The following MBP variants were observed in gnomAD, a reference collection of about 807,000 sequenced individuals.
MBP encodes the protein myelin basic protein, also known as Golli-MBP.
MBP carries 16 observed loss-of-function variants against 35.8 expected under a neutral mutation model. That is an observed-to-expected ratio of 0.45 (90% CI 0.30 to 0.68). The LOEUF is 0.68. Among genes scored for constraint, MBP ranks in the 30% least tolerant of loss-of-function variants. The pLI, the probability that MBP is intolerant of heterozygous loss-of-function variation, is 0.08. For missense variants in MBP, 380 were observed against 404.7 expected (o/e 0.94, Z 0.52); for synonymous variants, 143 against 159.6 (o/e 0.90, Z 0.78).
rs139814021 is a variant in MBP, at chr18:77,017,190, G to A, written c.218C>T (p.Pro73Leu). ...GTGGGCATCCTGCCAGGCATTCTTC[G>A]GGTCCGCTGTGCGCTTGGAGTCAGT... The part of the protein sequence containing the change: ...AVTDSKRTAD[P>L]KNAWQDAHPA... Residue 73 changes from proline (P) to leucine (L), a missense_variant, in exon 4 of 9, where the codon CCG becomes CTG. Physicochemically the swap from Pro to Leu is moderately conservative, Grantham distance 98. Coordinates refer to ENST00000355994, the MANE Select transcript of MBP (RefSeq NM_001025101.2). 179 of 1,538,434 alleles carry A rather than the reference G, an allele frequency of 1.2e-4. 1 individual carries two copies. In the African/African-American group the frequency reaches 2.2e-3, roughly 19 times the overall value.
chr18:77,028,426 A>G (rs1384001468), intron 3 of MBP, among the ~76,000 whole-genome samples: 12 of 97,758 alleles, frequency 1.2e-4, no homozygotes, highest in African/African-American at 2.5e-4. Context: ...CGATTTCTCA[A>G]TCTTTTCCCC....
chr18:77,133,319 TCTGGGAGCTGGGAG>T (rs751200850), upstream of MBP, among the ~76,000 whole-genome samples: 15 of 152,060 alleles, frequency 9.9e-5, no homozygotes, highest in Admixed American at 1.3e-4. Context: ...CAGGTGCTCC[TCTGGGAGCTGGGAG>T]CTGGGAGCTG....
intron 3 of MBP, among the ~76,000 whole-genome samples, chr18:77,057,849 C>A (rs538418394): frequency 1.9e-3 from 2 of 1,044 alleles, no homozygotes; most frequent in South Asian, 0.25. Context: ...TTTTTTGAGA[C>A]GGAGTCTCGC....
At chr18:77,120,879 T>C (rs1035119839) in intron 1 of MBP, among the ~76,000 whole-genome samples, 2 of 152,322 alleles carry the variant, frequency 1.3e-5, no homozygotes, top group East Asian at 1.9e-4. Flanking sequence ...ATCTACAAGA[T>C]TTAGGACCCC....
At chr18:77,066,950 T>C (rs1974224121) in intron 2 of MBP, among the ~76,000 whole-genome samples, 1 of 152,252 alleles carries the variant, frequency 6.6e-6, no homozygotes, top group African/African-American at 2.4e-5. Flanking sequence ...AATCTTCGGC[T>C]TCAGAGTTTC....
intron 1 of MBP, among the ~76,000 whole-genome samples, chr18:77,111,106 C>G (rs1287745792): frequency 2.0e-5 from 3 of 152,150 alleles, no homozygotes; most frequent in Non-Finnish European, 2.9e-5. Context: ...GTTCAGAAAG[C>G]CTGGCAATGT....
intron 2 of MBP, among the ~76,000 whole-genome samples, chr18:77,100,040 GT>G (rs1975936380): frequency 6.6e-6 from 1 of 152,022 alleles, no homozygotes; most frequent in African/African-American, 2.4e-5. Context: ...AGTAACACAT[GT>G]GATAAGCTTA....
intron 2 of MBP, among the ~76,000 whole-genome samples, chr18:77,080,800 C>T (rs967187617): frequency 6.6e-6 from 1 of 152,190 alleles, no homozygotes; most frequent in African/African-American, 2.4e-5. Context: ...TCTCCTGCCT[C>T]AGCCTCCCGA....
Position 76,979,816 on chromosome 18 carries a change from C to T in MBP, c.*611G>A, listed in dbSNP as rs1004815511. The stretch of plus-strand genomic sequence containing the variant: ...CCACGGCCTGGGGAGGTGGCCCCCT[C>T]TCTGTGCTGCCCCACGTTGGACTCT... On this transcript the variant is annotated 3_prime_UTR_variant, in exon 9 of 9. Transcript: ENST00000355994. 8 of 617,606 alleles carry T rather than the reference C, an allele frequency of 1.3e-5. No homozygotes were observed. Among genetic ancestry groups the T allele is most frequent in the Admixed American group, 2.7e-5 (1 of 37,450 alleles). The allele number at this position is 617,606 out of a possible 1,614,324, so 38.3% of individuals were successfully genotyped here.
intron 1 of MBP, among the ~76,000 whole-genome samples, chr18:77,121,360 C>T (rs1025712501): frequency 5.3e-5 from 8 of 151,966 alleles, no homozygotes; most frequent in East Asian, 1.9e-4. Context: ...TCCTATAGTA[C>T]GTGTTATTTT....
intron 1 of MBP, among the ~76,000 whole-genome samples, chr18:77,126,832 A>C (rs1977066478): frequency 6.6e-6 from 1 of 152,238 alleles, no homozygotes; most frequent in Non-Finnish European, 1.5e-5. Context: ...AAGAAATTTC[A>C]GATTCAGAAT....
intron 2 of MBP, among the ~76,000 whole-genome samples, chr18:77,078,988 T>A (rs1260657768): frequency 6.6e-6 from 1 of 152,176 alleles, no homozygotes; most frequent in African/African-American, 2.4e-5. Flanking sequence ...AGTCAGGCGC[T>A]CAGCCATCAC....
intron 7 of MBP, chr18:76,985,680 C>T: frequency 9.5e-7 from 1 of 1,052,726 alleles, no homozygotes. Flanking sequence ...CCCCACCTCC[C>T]AGTCCCCTAG....
At chr18:77,048,652 C>G (rs755602004) in intron 3 of MBP, among the ~76,000 whole-genome samples, 25 of 151,870 alleles carry the variant, frequency 1.6e-4, no homozygotes, top group Non-Finnish European at 3.1e-4. Context: ...TTAGTTGAGA[C>G]GGGGTTTCAC....
chr18:77,027,248 T>C (rs1292474623), intron 3 of MBP, among the ~76,000 whole-genome samples: 1 of 152,106 alleles, frequency 6.6e-6, no homozygotes, highest in African/African-American at 2.4e-5. Context: ...CAAAAGAATT[T>C]TGGAATCAGT....
intron 7 of MBP, chr18:76,987,678 A>G (rs993483038): frequency 1.0e-5 from 10 of 989,894 alleles, no homozygotes; most frequent in Non-Finnish European, 1.2e-5. Context: ...AGTTTCGGAG[A>G]CAGACACAAC....
Position 76,990,004 on chromosome 18 carries a change from G to T in MBP, c.633C>A (p.His211Gln), listed in dbSNP as rs759500981. 8.1e-6 allele frequency: 13 copies of T among 1,612,902 alleles called. No homozygotes were observed. In the South Asian group the frequency reaches 1.4e-4, roughly 18 times the overall value. The change falls in exon 5 of 9, where the codon CAC becomes CAA. Residue 211 changes from histidine (H) to glutamine (Q), a missense_variant. His to Gln is a conservative substitution (Grantham distance 24). Transcript: ENST00000355994. ...CGGGGTTTTCATCTTGGGTCCGGCC[G>T]TGTGACTTCTGGGGCAGGGAGCCGT... ...AHYGSLPQKS[H>Q]GRTQDENPVV...
chr18:77,060,211 C>T (rs369619562), intron 3 of MBP, among the ~76,000 whole-genome samples: 46 of 152,244 alleles, frequency 3.0e-4, no homozygotes, highest in African/African-American at 1.0e-3. Context: ...GTATATGGCA[C>T]GGCACATTGG....
At chr18:77,014,942 A>C in intron 4 of MBP, 1 of 984,008 alleles carries the variant, frequency 1.0e-6, no homozygotes, top group African/African-American at 1.7e-5. Flanking sequence ...TATTTTTAAA[A>C]TTTTTGAAAG....
Sources: allele counts gnomAD v4.1 joint callset (sites outside exome capture counted in the v4.1 genomes callset), GRCh38; gene constraint gnomAD v4.1.1; transcripts MANE v1.5; gene names NCBI Gene and HGNC (gene_info 2026-07-23, HGNC 2026-07-21).